Variants in INSL6 observed in about 807,000 individuals in gnomAD.
INSL6 encodes the protein insulin-like peptide INSL6.
Under a neutral mutation model 9.4 loss-of-function variants are expected in INSL6, and 16 were observed. The observed-to-expected ratio is 1.70, with a 90% CI of 1.15 to 2.59. INSL6 has a LOEUF of 2.59. Ranked by LOEUF, INSL6 falls within the 30% of genes most tolerant of loss-of-function variation. The pLI is 0.00. For synonymous variants in INSL6, 154 were observed against 96.9 expected, an observed-to-expected ratio of 1.59 and a Z score of -3.46; for missense variants, 391 against 257.3, an observed-to-expected ratio of 1.52 and a Z score of -3.56.
intron 2 of INSL6, among the ~76,000 whole-genome samples, chr9:5,138,737 A>T (rs564344607): frequency 6.5e-4 from 98 of 151,788 alleles, no homozygotes; most frequent in African/African-American, 2.3e-3. Flanking sequence ...TAATAAAAAA[A>T]AATAATAAAA....
At chr9:5,116,180 A>G in the INSL6 span, among the ~76,000 whole-genome samples, 1 of 152,184 alleles carries the variant, frequency 6.6e-6, no homozygotes, top group Non-Finnish European at 1.5e-5. Context: ...TATTATCTCT[A>G]TTTTAAGCAT....
the INSL6 span, chr9:5,112,460 AC>A: frequency 1.9e-5 from 10 of 536,450 alleles, no homozygotes; most frequent in Admixed American, 8.5e-5. Context: ...GAGCTGAAGG[AC>A]CCCCGGGACC....
At chr9:5,174,197 C>G (rs928540241) in intron 1 of INSL6, among the ~76,000 whole-genome samples, 2 of 152,188 alleles carry the variant, frequency 1.3e-5, no homozygotes, top group African/African-American at 2.4e-5. Context: ...AACACACACA[C>G]AAACCCAAAC....
intron 2 of INSL6, among the ~76,000 whole-genome samples, chr9:5,158,536 C>G (rs1166151590): frequency 1.3e-5 from 2 of 152,064 alleles, no homozygotes; most frequent in Non-Finnish European, 2.9e-5. Flanking sequence ...TGGTAACAGA[C>G]TTTTCAGTGA....
intron 1 of INSL6, among the ~76,000 whole-genome samples, chr9:5,171,108 T>C (rs1825172055): frequency 6.6e-6 from 1 of 152,098 alleles, no homozygotes; most frequent in South Asian, 2.1e-4. Flanking sequence ...GCAAACCAAA[T>C]ACAGCAGCAC....
downstream of INSL6, chr9:5,123,113 C>A: frequency 6.3e-7 from 1 of 1,581,292 alleles, no homozygotes; most frequent in Non-Finnish European, 8.6e-7. Flanking sequence ...GAGTAAAAGT[C>A]CACCAGCGGT....
intron 3 of INSL6, chr9:5,126,887 T>C (rs1824035917): frequency 1.7e-6 from 1 of 604,700 alleles, no homozygotes; most frequent in Non-Finnish European, 2.7e-6. Context: ...ATCATTATTA[T>C]ATAAATCATG....
chr9:5,004,101 T>C, the INSL6 span, among the ~76,000 whole-genome samples: 1 of 152,180 alleles, frequency 6.6e-6, no homozygotes, highest in East Asian at 1.9e-4. Flanking sequence ...TCAGTCTAAT[T>C]AACATATGTA....
intron 1 of INSL6, among the ~76,000 whole-genome samples, chr9:5,177,496 C>T (rs1007095643): frequency 1.3e-5 from 2 of 152,172 alleles, no homozygotes; most frequent in Non-Finnish European, 2.9e-5. Flanking sequence ...GCAGAGCAAA[C>T]GCTCAGGCAC....
At chr9:5,176,718 G>GA (rs1825317121) in intron 1 of INSL6, among the ~76,000 whole-genome samples, 1 of 89,792 alleles carries the variant, frequency 1.1e-5, no homozygotes, top group Non-Finnish European at 2.0e-5. Flanking sequence ...AGAAATCAAA[G>GA]CAAAAAAAAA....
intron 2 of INSL6, among the ~76,000 whole-genome samples, chr9:5,152,610 C>CTAG (rs1377491709): frequency 1.3e-5 from 2 of 151,956 alleles, no homozygotes; most frequent in Admixed American, 1.3e-4. Context: ...ATTTCAGAAA[C>CTAG]TAGAAAACAG....
chr9:5,084,769 G>C, the INSL6 span, among the ~76,000 whole-genome samples: 3 of 152,088 alleles, frequency 2.0e-5, no homozygotes, highest in African/African-American at 7.2e-5. Flanking sequence ...TAACCATCAA[G>C]ACACCTCAAT....
At chr9:5,130,579 A>G (rs1231983154) in intron 3 of INSL6, among the ~76,000 whole-genome samples, 1 of 152,206 alleles carries the variant, frequency 6.6e-6, no homozygotes, top group Non-Finnish European at 1.5e-5. Flanking sequence ...GTATACATAG[A>G]TGAAAATGTT....
the INSL6 span, among the ~76,000 whole-genome samples, chr9:5,040,098 A>C: frequency 6.6e-6 from 1 of 152,248 alleles, no homozygotes; most frequent in Non-Finnish European, 1.5e-5. Context: ...GTGATACTAA[A>C]GGATGAATAT....
the INSL6 span, among the ~76,000 whole-genome samples, chr9:5,032,220 G>A: frequency 2.0e-5 from 3 of 152,358 alleles, no homozygotes; most frequent in Middle Eastern, 3.4e-3. Flanking sequence ...CGCCATTGCC[G>A]AGGGTTGAGT....
chr9:5,041,491 A>C, the INSL6 span: 4 of 589,042 alleles, frequency 6.8e-6, no homozygotes, highest in Non-Finnish European at 9.9e-6. Context: ...TGAGCGGTAC[A>C]GAAGATCGGG....
chr9:4,998,359 C>G, the INSL6 span, among the ~76,000 whole-genome samples: 4 of 152,024 alleles, frequency 2.6e-5, no homozygotes, highest in African/African-American at 4.8e-5. Context: ...CAGATTCAAG[C>G]AATTCTCCTA....
chr9:5,069,644 A>T, the INSL6 span, among the ~76,000 whole-genome samples: 1 of 152,176 alleles, frequency 6.6e-6, no homozygotes, highest in African/African-American at 2.4e-5. Context: ...TAAGGAAGTT[A>T]CTATAATTTT....
intron 1 of INSL6, among the ~76,000 whole-genome samples, chr9:5,179,876 G>C (rs1825407424): frequency 6.6e-6 from 1 of 152,134 alleles, no homozygotes; most frequent in Non-Finnish European, 1.5e-5. Context: ...AGTATCAGGA[G>C]GAATAGCTAA....
Sources: gnomAD v4.1 joint callset for allele counts (sites outside exome capture counted in the v4.1 genomes callset) on GRCh38, gnomAD v4.1.1 for gene constraint, MANE v1.5 for transcripts, NCBI Gene and HGNC (gene_info 2026-07-23, HGNC 2026-07-21) for gene names.